CLASP2: variants seen among roughly 807,000 people sequenced by gnomAD.
CLASP2 encodes the protein cytoplasmic linker associated protein 2.
A neutral mutation model predicts 194.4 loss-of-function variants in CLASP2; 47 were observed. The ratio of observed to expected loss-of-function variants is 0.24; its 90% CI spans 0.19 to 0.31. The LOEUF (loss-of-function observed/expected upper bound fraction) is 0.31, where lower values mean the gene tolerates loss of function less well. Among genes scored for constraint, CLASP2 ranks in the 10% least tolerant of loss-of-function variants. CLASP2 has a pLI of 1.00. For synonymous variants in CLASP2, 619 were observed against 633.5 expected, an observed-to-expected ratio of 0.98 and a Z score of 0.34; for missense variants, 1,445 against 1,823.6, an observed-to-expected ratio of 0.79 and a Z score of 3.78.
In CLASP2 at chr3:33,594,971, A is replaced by T; in HGVS notation, c.1949-3T>A. The T allele has an allele frequency of 7.0e-7, 1 of 1,429,198 alleles. No individual in the cohort carries two copies. The highest frequency in any genetic ancestry group is 9.3e-7 in the Non-Finnish European group (1 of 1,069,960). The allele number at this position is 1,429,198 out of a possible 1,614,324, so 88.5% of individuals were successfully genotyped here. A position where few individuals can be genotyped will look rare whatever the true frequency, so the allele number is the denominator to read the frequency against. ...CTTACCATCTTCAGATGCTGTTCCT[A>T]AATAAGAAAAATAAAACAACATTTC... On this transcript the variant is annotated splice_region_variant and splice_polypyrimidine_tract_variant and intron_variant, in intron 19 of 38. Coordinates refer to ENST00000682230, the MANE Select transcript of CLASP2 (RefSeq NM_001365631.1).
At chr3:33,568,706 G>T (rs550859319) in intron 26 of CLASP2, among the ~76,000 whole-genome samples, 9 of 152,090 alleles carry the variant, frequency 5.9e-5, no homozygotes, top group Admixed American at 1.3e-4. Context: ...TTGAGTAGCT[G>T]GGATAGAGAC....
intron 12 of CLASP2, among the ~76,000 whole-genome samples, chr3:33,618,652 A>G (rs2076614378): frequency 6.6e-6 from 1 of 152,160 alleles, no homozygotes; most frequent in Non-Finnish European, 1.5e-5. Context: ...ATCTCAAAAT[A>G]AACAAATAAA....
intron 31 of CLASP2, among the ~76,000 whole-genome samples, chr3:33,543,795 G>A (rs1024256019): frequency 5.3e-5 from 8 of 151,984 alleles, no homozygotes; most frequent in African/African-American, 1.5e-4. Flanking sequence ...TTTCCCTCAA[G>A]GATTGAATGT....
At chr3:33,538,992 A>G (rs920602944) in intron 32 of CLASP2, 50 bp from the exon 33 acceptor site, 5 of 1,334,176 alleles carry the variant, frequency 3.7e-6, no homozygotes, top group Non-Finnish European at 5.1e-6. Context: ...TTTAAAATAC[A>G]AACACATCTG....
intron 33 of CLASP2, among the ~76,000 whole-genome samples, chr3:33,537,376 G>GA (rs2057547050): frequency 6.6e-6 from 1 of 152,178 alleles, no homozygotes; most frequent in East Asian, 1.9e-4. Context: ...ACAACAGCAG[G>GA]AAAGATGGCA....
In CLASP2 at chr3:33,498,419, T is replaced by C. The variant is rs1426023514; in HGVS notation, c.*212A>G. 2 of 436,878 alleles carry C rather than the reference T, an allele frequency of 4.6e-6. No individual in the cohort carries two copies. The highest frequency in any genetic ancestry group is 2.0e-5 in the African/African-American group (1 of 49,770). The allele number at this position is 436,878 out of a possible 1,614,324, so 27.1% of individuals were successfully genotyped here. A position where few individuals can be genotyped will look rare whatever the true frequency, so the allele number is the denominator to read the frequency against. On this transcript the variant is annotated 3_prime_UTR_variant, in exon 39 of 39. Coordinates refer to ENST00000682230, the MANE Select transcript of CLASP2 (RefSeq NM_001365631.1). Reference sequence around the variant, plus strand: ...TCGATCAATTGATGTTAATACTGCTTCTTCTTGAATTTGGAATAACTATCA... The same window carrying C: ...TCGATCAATTGATGTTAATACTGCTCCTTCTTGAATTTGGAATAACTATCA...
intron 8 of CLASP2, among the ~76,000 whole-genome samples, chr3:33,636,662 G>A (rs558034040): frequency 3.3e-5 from 5 of 152,270 alleles, no homozygotes; most frequent in Non-Finnish European, 7.3e-5. Context: ...GTGCAGTGGT[G>A]TGATCTCAGC....
At chr3:33,667,022 C>T (rs2086291841) in intron 6 of CLASP2, among the ~76,000 whole-genome samples, 1 of 152,034 alleles carries the variant, frequency 6.6e-6, no homozygotes, top group African/African-American at 2.4e-5. Flanking sequence ...TGAAGAAATT[C>T]AAATATTTTG....
chr3:33,544,021 T>C (rs1576204834), intron 31 of CLASP2, among the ~76,000 whole-genome samples: 2 of 152,334 alleles, frequency 1.3e-5, no homozygotes, highest in African/African-American at 4.8e-5. Context: ...GAATTACTTT[T>C]AACCCTCCTC....
intron 36 of CLASP2, 134 bp downstream of exon 36, chr3:33,515,889 T>C (rs2051181393): frequency 1.3e-6 from 1 of 778,124 alleles, no homozygotes; most frequent in African/African-American, 1.8e-5. Context: ...TATGCTTGCA[T>C]CTCGATCAGG....
chr3:33,669,275 C>A (rs2086728522), intron 6 of CLASP2, among the ~76,000 whole-genome samples: 1 of 152,058 alleles, frequency 6.6e-6, no homozygotes, highest in South Asian at 2.1e-4. Context: ...AACAAACAAA[C>A]AAATCCAAGT....
At chr3:33,642,950 C>CT (rs1575173436) in intron 8 of CLASP2, among the ~76,000 whole-genome samples, 1 of 151,904 alleles carries the variant, frequency 6.6e-6, no homozygotes, top group East Asian at 1.9e-4. Flanking sequence ...AGGCTTCTAC[C>CT]TTATTTTTGG....
chr3:33,523,017 A>C (rs2053581355), intron 34 of CLASP2, among the ~76,000 whole-genome samples: 1 of 152,228 alleles, frequency 6.6e-6, no homozygotes. Flanking sequence ...CGGAGCTTGC[A>C]GTAAGCTGAG....
chr3:33,677,872 A>G (rs1198590840), intron 6 of CLASP2, among the ~76,000 whole-genome samples: 1 of 150,626 alleles, frequency 6.6e-6, no homozygotes, highest in African/African-American at 2.4e-5. Context: ...TAGCATGCCA[A>G]AAAGGAAAAA....
intron 8 of CLASP2, among the ~76,000 whole-genome samples, chr3:33,642,824 T>C (rs1392069370): frequency 6.6e-6 from 1 of 151,092 alleles, no homozygotes; most frequent in Non-Finnish European, 1.5e-5. Flanking sequence ...AAATGGGCAA[T>C]AAACCTAAAT....
chr3:33,574,969 T>C (rs960728831), intron 24 of CLASP2, among the ~76,000 whole-genome samples: 4 of 152,062 alleles, frequency 2.6e-5, no homozygotes, highest in Admixed American at 1.3e-4. Flanking sequence ...AAACACACCA[T>C]CTCAGTGTTC....
At chr3:33,579,016 G>C (rs1025010800) in intron 23 of CLASP2, among the ~76,000 whole-genome samples, 1 of 152,142 alleles carries the variant, frequency 6.6e-6, no homozygotes, top group African/African-American at 2.4e-5. Flanking sequence ...AAAGAATGTA[G>C]GCAAATGTAG....
intron 21 of CLASP2, among the ~76,000 whole-genome samples, chr3:33,589,612 TAC>T (rs1242352952): frequency 1.3e-5 from 2 of 152,168 alleles, no homozygotes; most frequent in African/African-American, 4.8e-5. Context: ...CAAATGATTT[TAC>T]AGAGGGAAAG....
intron 19 of CLASP2, 71 bp downstream of exon 19, chr3:33,596,640 T>C (rs1338192078): frequency 2.0e-6 from 2 of 1,014,882 alleles, no homozygotes; most frequent in Non-Finnish European, 2.9e-6. Context: ...AAGAGAAGAA[T>C]GAACAAGGAT....
Sources: allele counts gnomAD v4.1 joint callset (sites outside exome capture counted in the v4.1 genomes callset), GRCh38; gene constraint gnomAD v4.1.1; transcripts MANE v1.5; gene names NCBI Gene and HGNC (gene_info 2026-07-23, HGNC 2026-07-21).